Variants in KY observed in about 807,000 individuals in gnomAD.
KY encodes kyphoscoliosis peptidase.
In KY, 43 loss-of-function variants were observed where a neutral mutation model predicts 76.1. The ratio of observed to expected loss-of-function variants is 0.57; its 90% CI spans 0.44 to 0.73. The LOEUF (loss-of-function observed/expected upper bound fraction) is 0.73, where lower values mean the gene tolerates loss of function less well. Ranked by LOEUF, KY falls within the 30% of genes least tolerant of loss-of-function variation. The probability of loss-of-function intolerance (pLI) is 0.00; values close to 1 mark genes in which losing one functional copy is unlikely to be tolerated. For synonymous variants in KY, 277 were observed against 326.2 expected (o/e 0.85, Z 1.63); for missense variants, 722 against 828.9 (o/e 0.87, Z 1.58).
In KY at chr3:134,603,693, G is replaced by A. The variant is rs753268685; in HGVS notation, c.1872C>T (p.Tyr624=). ...CAGCTGTGCTGCAGCTTCCCTCCCA[G>A]TAGCCCTCGTGGTTCAGGGTCAGGG... ...TWPLTLNHEG[Y]WEGSCSTAGC... Residue 624 remains tyrosine (Y), a synonymous_variant, in exon 11 of 11, where the codon TAC becomes TAT. Coordinates refer to ENST00000423778, the MANE Select transcript of KY (RefSeq NM_178554.6). 5 of 1,613,924 alleles carry A rather than the reference G, an allele frequency of 3.1e-6. No individual in the cohort carries two copies. Among genetic ancestry groups the A allele is most frequent in the Non-Finnish European group, 3.4e-6 (4 of 1,179,842 alleles).
rs757640041 is a variant in KY, at chr3:134,604,459, G to A, written c.1106C>T (p.Thr369Met). 4.0e-5 allele frequency: 64 copies of A among 1,605,998 alleles called. No homozygotes were observed. Among genetic ancestry groups the A allele is most frequent in the Admixed American group, 1.0e-4 (6 of 59,684 alleles). ...CGGGGCGCAGCTCTCAATGGTGACC[G>A]TGGCCTTCCCATTCACTGAGGAGAG... ...SMIRTVNGKATVTIESCAPTL... is the reference protein window; with the variant it reads ...SMIRTVNGKAMVTIESCAPTL... The change falls in exon 11 of 11, where the codon ACG becomes ATG. Residue 369 changes from threonine to methionine, a missense_variant. Coordinates refer to ENST00000423778, the MANE Select transcript of KY (RefSeq NM_178554.6).
At chr3:134,617,705 G>C (rs1463749632) in intron 8 of KY, among the ~76,000 whole-genome samples, 1 of 152,198 alleles carries the variant, frequency 6.6e-6, no homozygotes, top group Non-Finnish European at 1.5e-5. Flanking sequence ...CATGAGTTTG[G>C]TGTGCAACTG....
chr3:134,650,677 G>T, intron 1 of KY, 148 bp downstream of exon 1: 1 of 733,460 alleles, frequency 1.4e-6, no homozygotes, highest in Non-Finnish European at 2.1e-6. Flanking sequence ...CGGTGCCACT[G>T]CGGGGAAGCG....
At chr3:134,635,572 C>T (rs995150300) in intron 3 of KY, among the ~76,000 whole-genome samples, 1 of 147,854 alleles carries the variant, frequency 6.8e-6, no homozygotes, top group East Asian at 2.0e-4. Context: ...AGAGTCCACA[C>T]AAGATAATTT....
intron 6 of KY, among the ~76,000 whole-genome samples, chr3:134,622,898 C>G (rs1173974654): frequency 6.6e-6 from 1 of 152,192 alleles, no homozygotes; most frequent in Non-Finnish European, 1.5e-5. Flanking sequence ...TCACTGCTCA[C>G]AAGAGATTCC....
intron 2 of KY, among the ~76,000 whole-genome samples, chr3:134,644,002 T>C (rs2108013042): frequency 6.6e-6 from 1 of 152,256 alleles, no homozygotes; most frequent in Admixed American, 6.5e-5. Context: ...ATTTTTTGTA[T>C]TTTTAGTAGA....
At chr3:134,621,553 T>A (rs1246021189) in intron 6 of KY, among the ~76,000 whole-genome samples, 2 of 152,178 alleles carry the variant, frequency 1.3e-5, no homozygotes, top group African/African-American at 4.8e-5. Context: ...TCATGCCATA[T>A]ACAAAAACAA....
intron 3 of KY, among the ~76,000 whole-genome samples, chr3:134,637,193 G>A (rs1965093962): frequency 6.6e-6 from 1 of 152,230 alleles, no homozygotes. Flanking sequence ...TTGTGAGTTT[G>A]TAATTAAAAC....
chr3:134,608,895 C>T lies in KY; in HGVS notation c.900-56G>A, dbSNP rs181882325. The T allele has an allele frequency of 1.2e-5, 19 of 1,551,414 alleles. No homozygotes were observed. The Admixed American group carries it at 2.8e-4, about 23-fold the overall frequency. ...GCTCCATGCAGGGGAGGCAGGGGCCCAATACACCCACCGGAGTGGTCCTAT... is the reference window on the plus strand; with the variant it reads ...GCTCCATGCAGGGGAGGCAGGGGCCTAATACACCCACCGGAGTGGTCCTAT... On this transcript the variant is annotated intron_variant, in intron 9 of 10. Transcript: ENST00000423778.
intron 10 of KY, among the ~76,000 whole-genome samples, chr3:134,605,033 C>T (rs1459698559): frequency 6.6e-6 from 1 of 152,088 alleles, no homozygotes; most frequent in African/African-American, 2.4e-5. Context: ...CCATGCTTCT[C>T]ACATAGGTGT....
In KY at chr3:134,602,409, G is replaced by C. The variant is rs1959008965; in HGVS notation, c.*1170C>G. Among the ~76,000 whole-genome samples the C allele has an allele frequency of 6.6e-6, 1 of 152,172 alleles. No individual in the cohort carries two copies. The highest frequency in any genetic ancestry group is 1.5e-5 in the Non-Finnish European group (1 of 68,008). On this transcript the variant is annotated 3_prime_UTR_variant, in exon 11 of 11. Transcript: ENST00000423778. ...GTCCCCATGCAAGGTGAGACTGGAGGGGGCTGTCTTCTCAGAGAAGGGAGG... is the reference window on the plus strand; with the variant it reads ...GTCCCCATGCAAGGTGAGACTGGAGCGGGCTGTCTTCTCAGAGAAGGGAGG...
At position 134,603,961 on chromosome 3, in the gene KY, A is replaced by G. The variant is rs1959081151; in HGVS notation, c.1604T>C (p.Leu535Pro). 6.2e-7 allele frequency: 1 copy of G among 1,613,844 alleles called. No individual in the cohort carries two copies. The highest frequency in any genetic ancestry group is 1.1e-5 in the South Asian group (1 of 91,086). ...CTGCCTCTTCTTGACAAAGATCTTG[A>G]GGGCAAACTTGCCTGCATGGGGCAG... ...VQLPHAGKFA[L>P]KIFVKKRQEP... Residue 535 changes from leucine to proline, a missense_variant, in exon 11 of 11, where the codon CTC becomes CCC. Leu to Pro is a moderately conservative substitution (Grantham distance 98). Coordinates refer to ENST00000423778, the MANE Select transcript of KY (RefSeq NM_178554.6).
intron 10 of KY, chr3:134,607,161 A>G: frequency 1.0e-6 from 1 of 985,436 alleles, no homozygotes; most frequent in Non-Finnish European, 1.2e-6. Context: ...GGCCTATGAT[A>G]CATTGAACAA....
Position 134,620,701 on chromosome 3 carries a change from A to G in KY, c.592+48T>C, listed in dbSNP as rs751642782. 2.2e-6 allele frequency: 3 copies of G among 1,340,652 alleles called. No individual in the cohort carries two copies. The African/African-American group carries it at 4.3e-5, about 19-fold the overall frequency. The allele number at this position is 1,340,652 out of a possible 1,614,324, so 83.0% of individuals were successfully genotyped here. A position where few individuals can be genotyped will look rare whatever the true frequency, so the allele number is the denominator to read the frequency against. ...CTGATAGGAGCAGAGGCCTGCAGGG[A>G]ATGGAAGCAAGGGATTCTAGAGCCA... On this transcript the variant is annotated intron_variant, in intron 7 of 10. Coordinates refer to ENST00000423778, the MANE Select transcript of KY (RefSeq NM_178554.6).
rs1965997745 is a variant in KY at position 134,643,331 on chromosome 3, A to C, written c.247T>G (p.Ser83Ala). ...QHPQQPQVIT[S>A]YNSQGTQLTV... ...AATCACTTACCTTGGCTGTTGTAGG[A>C]AGTGATGACCTGGGGCTGCTGAGGG... Residue 83 changes from serine to alanine, a missense_variant, in exon 3 of 11, where the codon TCC becomes GCC. This residue lies in a region of KY where 170 missense variants were observed against 148.1 expected (regional missense o/e 1.15). Coordinates refer to ENST00000423778, the MANE Select transcript of KY (RefSeq NM_178554.6). 1 of 1,613,748 alleles carries C rather than the reference A, an allele frequency of 6.2e-7. No homozygotes were observed. Among genetic ancestry groups the C allele is most frequent in the African/African-American group, 1.3e-5 (1 of 74,900 alleles).
intron 8 of KY, among the ~76,000 whole-genome samples, chr3:134,613,806 A>G (rs868518813): frequency 9.8e-5 from 15 of 152,328 alleles, no homozygotes; most frequent in African/African-American, 3.1e-4. Context: ...TTCTCATGCA[A>G]AATCCTCTGT....
rs1388894475 is a variant in KY at position 134,610,268 on chromosome 3, C to G, written c.826G>C (p.Gly276Arg). ...GTGCTGTCCACCAGGTGCCATCTTC[C>G]CTCCAGGTACACAGCATTCCAGGCA... ...DHAWNAVYLE[G>R]RWHLVDSTWG... is the part of the protein sequence containing the mutation. Residue 276 changes from glycine (G) to arginine (R), a missense_variant, in exon 9 of 11, where the codon GGA becomes CGA. Transcript: ENST00000423778. 1 of 1,613,978 alleles carries G rather than the reference C, an allele frequency of 6.2e-7. No homozygotes were observed. Among genetic ancestry groups the G allele is most frequent in the African/African-American group, 1.3e-5 (1 of 75,064 alleles).
chr3:134,618,063 C>A (rs1022537128), intron 8 of KY, among the ~76,000 whole-genome samples: 1 of 152,024 alleles, frequency 6.6e-6, no homozygotes, highest in Non-Finnish European at 1.5e-5. Context: ...ACCGTGGCTG[C>A]GTCTGGGGCT....
intron 10 of KY, among the ~76,000 whole-genome samples, chr3:134,605,670 C>A (rs1959181971): frequency 6.6e-6 from 1 of 152,050 alleles, no homozygotes; most frequent in African/African-American, 2.4e-5. Flanking sequence ...CCCACACATC[C>A]CCCCACTGCC....
Sources: gnomAD v4.1 joint callset for allele counts (sites outside exome capture counted in the v4.1 genomes callset) on GRCh38, gnomAD v4.1.1 for gene constraint, gnomAD v4.1.1 regional missense constraint, MANE v1.5 for transcripts, NCBI Gene and HGNC (gene_info 2026-07-23, HGNC 2026-07-21) for gene names.